The following HRH3 variants were observed in gnomAD, a reference collection of about 807,000 sequenced individuals.
HRH3 encodes the protein histamine H3 receptor.
Under a neutral mutation model 21.6 loss-of-function variants are expected in HRH3, and 13 were observed. The ratio of observed to expected loss-of-function variants is 0.60; its 90% CI spans 0.39 to 0.96. The LOEUF is 0.96. Ranked by LOEUF, HRH3 falls within the 40% of genes least tolerant of loss-of-function variation. The pLI, the probability that HRH3 is intolerant of heterozygous loss-of-function variation, is 0.00. For synonymous variants in HRH3, 276 were observed against 290.3 expected (o/e 0.95, Z 0.50); for missense variants, 461 against 622.7 (o/e 0.74, Z 2.76).
rs763982292 is a variant in HRH3 at position 62,218,972 on chromosome 20, G to A, written c.251-315C>T. Among the ~76,000 whole-genome samples the A allele has an allele frequency of 6.6e-6, 1 of 151,594 alleles. No homozygotes were observed. Among genetic ancestry groups the A allele is most frequent in the South Asian group, 2.1e-4 (1 of 4,786 alleles). ...TCGGGATTCCCTGGACTTCTGTCCA[G>A]CCCTCCCAGCCCTCAAAGGAGGAAA... On this transcript the variant is annotated intron_variant, in intron 1 of 2. Coordinates refer to ENST00000340177, the MANE Select transcript of HRH3 (RefSeq NM_007232.3). The surrounding 1 kb of genome is among the most constrained non-coding windows in gnomAD (Gnocchi z 5.6).
In HRH3 at chr20:62,215,979, T is replaced by G; in HGVS notation, c.*27A>C. 1 of 1,535,966 alleles carries G rather than the reference T, an allele frequency of 6.5e-7. No individual in the cohort carries two copies. Among genetic ancestry groups the G allele is most frequent in the South Asian group, 1.2e-5 (1 of 82,738 alleles). On this transcript the variant is annotated 3_prime_UTR_variant, in exon 3 of 3. Transcript: ENST00000340177. ...CAGGAGACCTGGGCTGAGAGAGGCG[T>G]GGCTGAGGGAGGCTCTGGTGGGCCA... is the stretch of plus-strand genomic sequence containing the variant.
chr20:62,217,031 G>A, intron 2 of HRH3, 105 bp from the exon 3 acceptor site: 1 of 1,114,284 alleles, frequency 9.0e-7, no homozygotes, highest in South Asian at 1.6e-5. Flanking sequence ...CAGCAGCAAT[G>A]CTCCTCCTTT....
At position 62,216,789 on chromosome 20, in the gene HRH3, C is replaced by G. The variant is rs1298201528; in HGVS notation, c.555G>C (p.Glu185Asp). Residue 185 changes from glutamate (E) to aspartate (D), a missense_variant, in exon 3 of 3, where the codon GAG becomes GAC. Physicochemically the swap from Glu to Asp is conservative, Grantham distance 45. Coordinates refer to ENST00000340177, the MANE Select transcript of HRH3 (RefSeq NM_007232.3). ...AGAAGAACTCGGCATAGCAGTGGCC[C>G]TCGGGGATGGAGCTGCCCCCGGACA... ...EYLSGGSSIP[E>D]GHCYAEFFYN... 1 of 1,612,954 alleles carries G rather than the reference C, an allele frequency of 6.2e-7. No individual in the cohort carries two copies. The highest frequency in any genetic ancestry group is 8.5e-7 in the Non-Finnish European group (1 of 1,179,994).
At chr20:62,217,960 G>C (rs1257607821) in intron 2 of HRH3, among the ~76,000 whole-genome samples, 1 of 152,212 alleles carries the variant, frequency 6.6e-6, no homozygotes, top group Non-Finnish European at 1.5e-5. Context: ...GACGTGAGCT[G>C]CCAAGGAGAT....
rs1361914019 is a variant in HRH3 at position 62,215,083 on chromosome 20, C to T, written c.*923G>A. 9.1e-6 allele frequency: 3 copies of T among 331,150 alleles called. No individual in the cohort carries two copies. The highest frequency in any genetic ancestry group is 6.5e-5 in the African/African-American group (3 of 46,436). The allele number at this position is 331,150 out of a possible 1,614,324, so 20.5% of individuals were successfully genotyped here. A position where few individuals can be genotyped will look rare whatever the true frequency, so the allele number is the denominator to read the frequency against. ...TGCACAGCACATGGCGAAGCGGCCC[C>T]TGCCCGGGCACCTCCTCTGGACCGC... is the stretch of plus-strand genomic sequence containing the variant. On this transcript the variant is annotated 3_prime_UTR_variant, in exon 3 of 3. Coordinates refer to ENST00000340177, the MANE Select transcript of HRH3 (RefSeq NM_007232.3).
At chr20:62,217,018 C>T in intron 2 of HRH3, 92 bp from the exon 3 acceptor site, 3 of 1,228,662 alleles carry the variant, frequency 2.4e-6, no homozygotes, top group Non-Finnish European at 3.3e-6. Flanking sequence ...TGGGCCCTTC[C>T]CTCAGCAGCA....
Position 62,220,004 on chromosome 20 carries a change from G to A in HRH3, c.-34C>T, listed in dbSNP as rs1978747480. 4.0e-6 allele frequency: 4 copies of A among 996,848 alleles called. No individual in the cohort carries two copies. Among genetic ancestry groups the A allele is most frequent in the Admixed American group, 6.1e-5 (1 of 16,468 alleles). 61.8% of individuals were successfully genotyped at this position (996,848 alleles called of 1,614,324 possible). A position where few individuals can be genotyped will look rare whatever the true frequency, so the allele number is the denominator to read the frequency against. ...AGGCTCACGCGGCTCCGGGACGCGG[G>A]GCAGGGCGCCGGCCGAGAGCTGGGC... On this transcript the variant is annotated 5_prime_UTR_variant, in exon 1 of 3. Transcript: ENST00000340177.
rs41284986 is a variant in HRH3 at position 62,216,810 on chromosome 20, G to A, written c.534C>T (p.Ser178=). 0.014 allele frequency: 23,022 copies of A among 1,612,994 alleles called. 208 individuals are homozygous for A. The highest frequency in any genetic ancestry group is 0.017 in the Non-Finnish European group (19,643 of 1,179,992). ...GPAILSWEYL[S]GGSSIPEGHC... The stretch of plus-strand genomic sequence containing the variant: ...GGCCCTCGGGGATGGAGCTGCCCCC[G>A]GACAGGTACTCCCAGCTCAGGATGG... The change falls in exon 3 of 3, where the codon TCC becomes TCT. Residue 178 remains serine (S), a synonymous_variant. Transcript: ENST00000340177.
At position 62,219,949 on chromosome 20, in the gene HRH3, C is replaced by T. The variant is rs1159559233; in HGVS notation, c.22G>A (p.Gly8Arg). Residue 8 changes from glycine (G) to arginine (R), a missense_variant, in exon 1 of 3, where the codon GGG (glycine) becomes AGG (arginine). By Grantham distance (125) the Gly-to-Arg change is moderately radical (BLOSUM62 -2). Around this residue, in one of 6 missense-constraint regions of HRH3, gnomAD observed 102 missense variants for 155.6 expected, o/e 0.66. Transcript: ENST00000340177. This position sits in a 1 kb window ranked among gnomAD's most constrained non-coding sequence, Gnocchi z 8.7. ...AGCGCCCCCGAAGCGTTCAGCGGCC[C>T]GTCGGGCGGCGCGCGCTCCATGGCC... MERAPPD[G>R]PLNASGALAG... is the part of the protein sequence containing the mutation. The T allele has an allele frequency of 2.8e-6, 3 of 1,088,192 alleles. No homozygotes were observed. The highest frequency in any genetic ancestry group is 1.3e-4 in the East Asian group (2 of 15,904). 67.4% of individuals were successfully genotyped at this position (1,088,192 alleles called of 1,614,324 possible). A position where few individuals can be genotyped will look rare whatever the true frequency, so the allele number is the denominator to read the frequency against.
chr20:62,219,614 G>T lies in HRH3; in HGVS notation c.250+107C>A. 1 of 1,397,108 alleles carries T rather than the reference G, an allele frequency of 7.2e-7. No individual in the cohort carries two copies. Among genetic ancestry groups the T allele is most frequent in the South Asian group, 1.4e-5 (1 of 73,774 alleles). 86.5% of individuals were successfully genotyped at this position (1,397,108 alleles called of 1,614,324 possible). On this transcript the variant is annotated intron_variant, in intron 1 of 2. Coordinates refer to ENST00000340177, the MANE Select transcript of HRH3 (RefSeq NM_007232.3). This position sits in a 1 kb window ranked among gnomAD's most constrained non-coding sequence, Gnocchi z 8.7. ...CCCCCTTCCCAGGCCGGGTCCCCTG[G>T]TGGGGCGTGTGCCTGCGGGAGCCAC...
Position 62,220,098 on chromosome 20 carries a change from G to T in HRH3, c.-128C>A, listed in dbSNP as rs1314417840. 8.6e-6 allele frequency: 7 copies of T among 812,468 alleles called. No individual in the cohort carries two copies. The highest frequency in any genetic ancestry group is 6.3e-5 in the Admixed American group (1 of 15,808). The allele number at this position is 812,468 out of a possible 1,614,324, so 50.3% of individuals were successfully genotyped here. ...CTTGGCCGGGTCGGGTTCCCCTGGG[G>T]GCGCCCAGCGCATGGTCCGCGGGGC... On this transcript the variant is annotated 5_prime_UTR_variant, in exon 1 of 3. Coordinates refer to ENST00000340177, the MANE Select transcript of HRH3 (RefSeq NM_007232.3).
Position 62,216,154 on chromosome 20 carries a change from G to T in HRH3, c.1190C>A (p.Ser397Tyr). 2 of 1,613,428 alleles carry T rather than the reference G, an allele frequency of 1.2e-6. No individual in the cohort carries two copies. The highest frequency in any genetic ancestry group is 1.7e-6 in the Non-Finnish European group (2 of 1,180,002). ...HCVPDYWYETSFWLLWANSAV... is the reference protein window; with the variant it reads ...HCVPDYWYETYFWLLWANSAV... ...CGAGTTGGCCCACAGGAGCCAGAAG[G>T]AGGTTTCGTACCAGTAGTCAGGGAC... The change falls in exon 3 of 3, where the codon TCC becomes TAC. Residue 397 changes from serine to tyrosine, a missense_variant. Transcript: ENST00000340177.
At position 62,220,120 on chromosome 20, in the gene HRH3, G is replaced by T. The variant is rs1175739716; in HGVS notation, c.-150C>A. 4 of 563,970 alleles carry T rather than the reference G, an allele frequency of 7.1e-6. No individual in the cohort carries two copies. The highest frequency in any genetic ancestry group is 7.3e-5 in the South Asian group (1 of 13,650). The allele number at this position is 563,970 out of a possible 1,614,324, so 34.9% of individuals were successfully genotyped here. A position where few individuals can be genotyped will look rare whatever the true frequency, so the allele number is the denominator to read the frequency against. ...GGGGGCGCCCAGCGCATGGTCCGCG[G>T]GGCCGGGGCCGGGGCCAGAGCAGGC... On this transcript the variant is annotated 5_prime_UTR_variant, in exon 1 of 3. Coordinates refer to ENST00000340177, the MANE Select transcript of HRH3 (RefSeq NM_007232.3).
Position 62,216,798 on chromosome 20 carries a change from G to A in HRH3, c.546C>T (p.Ser182=). 6.2e-7 allele frequency: 1 copy of A among 1,613,058 alleles called. No homozygotes were observed. The highest frequency in any genetic ancestry group is 8.5e-7 in the Non-Finnish European group (1 of 1,179,998). ...LSWEYLSGGS[S]IPEGHCYAEF... is the part of the protein sequence containing the mutation. Reference sequence around the variant, plus strand: ...CGGCATAGCAGTGGCCCTCGGGGATGGAGCTGCCCCCGGACAGGTACTCCC... The same window carrying A: ...CGGCATAGCAGTGGCCCTCGGGGATAGAGCTGCCCCCGGACAGGTACTCCC... The change falls in exon 3 of 3, where the codon TCC becomes TCT. Residue 182 remains serine, a synonymous_variant. Coordinates refer to ENST00000340177, the MANE Select transcript of HRH3 (RefSeq NM_007232.3).
rs757193549 is a variant in HRH3 at position 62,219,893 on chromosome 20, C to G, written c.78G>C (p.Ala26=). 1.8e-5 allele frequency: 25 copies of G among 1,381,034 alleles called. No individual in the cohort carries two copies. The highest frequency in any genetic ancestry group is 2.3e-5 in the Non-Finnish European group (25 of 1,072,784). The allele number at this position is 1,381,034 out of a possible 1,614,324, so 85.5% of individuals were successfully genotyped here. The part of the protein sequence containing the change: ...LAGEAAAAGG[A]RGFSAAWTAV... ...CGGTCCAGGCTGCCGAGAAGCCGCGCGCCCCGCCCGCCGCCGCCGCCTCGC... is the reference window on the plus strand; with the variant it reads ...CGGTCCAGGCTGCCGAGAAGCCGCGGGCCCCGCCCGCCGCCGCCGCCTCGC... Residue 26 remains alanine (A), a synonymous_variant, in exon 1 of 3, where the codon GCG becomes GCC. Transcript: ENST00000340177. This position sits in a 1 kb window ranked among gnomAD's most constrained non-coding sequence, Gnocchi z 8.7.
Position 62,215,965 on chromosome 20 carries a change from G to C in HRH3, c.*41C>G. ...CAGGGCCAGATGCCCAGGAGACCTG[G>C]GCTGAGAGAGGCGTGGCTGAGGGAG... On this transcript the variant is annotated 3_prime_UTR_variant, in exon 3 of 3. Coordinates refer to ENST00000340177, the MANE Select transcript of HRH3 (RefSeq NM_007232.3). 2.0e-6 allele frequency: 3 copies of C among 1,515,808 alleles called. No homozygotes were observed. Among genetic ancestry groups the C allele is most frequent in the South Asian group, 1.2e-5 (1 of 80,096 alleles). 93.9% of individuals were successfully genotyped at this position (1,515,808 alleles called of 1,614,324 possible). A position where few individuals can be genotyped will look rare whatever the true frequency, so the allele number is the denominator to read the frequency against.
At position 62,216,389 on chromosome 20, in the gene HRH3, A is replaced by G. The variant is rs1235378494; in HGVS notation, c.955T>C (p.Ser319Pro). The G allele has an allele frequency of 6.4e-7, 1 of 1,551,158 alleles. No individual in the cohort carries two copies. The highest frequency in any genetic ancestry group is 8.7e-7 in the Non-Finnish European group (1 of 1,145,588). Residue 319 changes from serine (S) to proline (P), a missense_variant, in exon 3 of 3, where the codon TCA becomes CCA. Around this residue, in one of 6 missense-constraint regions of HRH3, gnomAD observed 163 missense variants for 139.4 expected, o/e 1.17. Transcript: ENST00000340177. ...SSSRGTERPR[S>P]LKRGSKPSAS... is the part of the protein sequence containing the mutation. ...GACGGCTTGGAGCCCCTCTTGAGTG[A>G]GCGCGGCCTCTCAGTGCCCCTCGAG...
rs1160243716 is a variant in HRH3 at position 62,215,582 on chromosome 20, CGGTGTGCAGGTGTGTGCAGG to C, written c.*404_*423del. 32 of 418,418 alleles carry C rather than the reference CGGTGTGCAGGTGTGTGCAGG, an allele frequency of 7.6e-5. No individual in the cohort carries two copies. Among genetic ancestry groups the C allele is most frequent in the Admixed American group, 3.6e-4 (14 of 38,642 alleles). The allele number at this position is 418,418 out of a possible 1,614,324, so 25.9% of individuals were successfully genotyped here. A position where few individuals can be genotyped will look rare whatever the true frequency, so the allele number is the denominator to read the frequency against. ...TCCTGGGCTTGTCCGGGGAGAGGGA[CGGTGTGCAGGTGTGTGCAGG>C]GGTGTGCAGGTGTGTGCACGTGCAG... On this transcript the variant is annotated 3_prime_UTR_variant, in exon 3 of 3. Transcript: ENST00000340177.
In HRH3 at chr20:62,219,993, C is replaced by G. The variant is rs912877953; in HGVS notation, c.-23G>C. The G allele has an allele frequency of 1.0e-6, 1 of 1,004,680 alleles. No homozygotes were observed. Among genetic ancestry groups the G allele is most frequent in the African/African-American group, 1.7e-5 (1 of 57,204 alleles). 62.2% of individuals were successfully genotyped at this position (1,004,680 alleles called of 1,614,324 possible). ...CATGGCCCCGCAGGCTCACGCGGCT[C>G]CGGGACGCGGGGCAGGGCGCCGGCC... On this transcript the variant is annotated 5_prime_UTR_variant, in exon 1 of 3. Transcript: ENST00000340177. This position sits in a 1 kb window ranked among gnomAD's most constrained non-coding sequence, Gnocchi z 8.7.
Sources: allele counts gnomAD v4.1 joint callset (sites outside exome capture counted in the v4.1 genomes callset), GRCh38; gene constraint gnomAD v4.1.1; regional missense constraint gnomAD v4.1.1; non-coding constraint Gnocchi (gnomAD v3.1); transcripts MANE v1.5; gene names NCBI Gene and HGNC (gene_info 2026-07-23, HGNC 2026-07-21).